LRRC37A2: variants seen among roughly 807,000 people sequenced by gnomAD.
LRRC37A2 encodes leucine-rich repeat-containing protein 37A2.
In LRRC37A2, 9 loss-of-function variants were observed where a neutral mutation model predicts 68.8. That is an observed-to-expected ratio of 0.13 (90% CI 0.08 to 0.23). The LOEUF (loss-of-function observed/expected upper bound fraction) is 0.23, where lower values mean the gene tolerates loss of function less well. Ranked by LOEUF, LRRC37A2 falls within the 10% of genes least tolerant of loss-of-function variation. The pLI is 1.00. For missense variants in LRRC37A2, 168 were observed against 950.4 expected, an observed-to-expected ratio of 0.18 and a Z score of 10.82; for synonymous variants, 63 against 367.6, an observed-to-expected ratio of 0.17 and a Z score of 9.48.
chr17:47,005,446 C>A, the LRRC37A2 span, among the ~76,000 whole-genome samples: 1 of 152,166 alleles, frequency 6.6e-6, no homozygotes, highest in African/African-American at 2.4e-5. Flanking sequence ...AGTGATAGCC[C>A]TCTGCAGTGT....
the LRRC37A2 span, among the ~76,000 whole-genome samples, chr17:46,852,717 T>C: frequency 6.6e-6 from 1 of 152,066 alleles, no homozygotes; most frequent in African/African-American, 2.4e-5. Flanking sequence ...TGCCTCCTTT[T>C]AAAATCTTCA....
the LRRC37A2 span, among the ~76,000 whole-genome samples, chr17:46,836,095 C>CTGTGTGTGTGTGT: frequency 7.9e-6 from 1 of 126,434 alleles, no homozygotes; most frequent in Non-Finnish European, 1.6e-5. Flanking sequence ...GAGACGCTGA[C>CTGTGTGTGTGTGT]GTGTGTGTGT....
At chr17:46,734,966 G>A in the LRRC37A2 span, among the ~76,000 whole-genome samples, 2 of 152,084 alleles carry the variant, frequency 1.3e-5, no homozygotes, top group Admixed American at 1.3e-4. Context: ...CAGGAGGATC[G>A]CTTGAGCCCA....
At chr17:47,006,125 T>C in the LRRC37A2 span, among the ~76,000 whole-genome samples, 1 of 151,972 alleles carries the variant, frequency 6.6e-6, no homozygotes, top group African/African-American at 2.4e-5. Context: ...TGGGCCAAGA[T>C]TGCACCATTG....
chr17:46,901,874 T>G, the LRRC37A2 span, among the ~76,000 whole-genome samples: 4 of 147,666 alleles, frequency 2.7e-5, no homozygotes, highest in Non-Finnish European at 5.9e-5. Flanking sequence ...TGGCGCAATC[T>G]CGGCTCACTG....
At chr17:46,933,793 T>C in the LRRC37A2 span, among the ~76,000 whole-genome samples, 1 of 151,470 alleles carries the variant, frequency 6.6e-6, no homozygotes, top group Non-Finnish European at 1.5e-5. Context: ...TGAGACATTG[T>C]CTCTACAAAA....
the LRRC37A2 span, chr17:47,018,623 G>C: frequency 6.6e-7 from 1 of 1,520,444 alleles, no homozygotes; most frequent in African/African-American, 1.4e-5. Context: ...TTCAACAGGA[G>C]ACTTCATTTC....
At chr17:46,721,596 C>G in the LRRC37A2 span, 1 of 1,565,414 alleles carries the variant, frequency 6.4e-7, no homozygotes, top group Non-Finnish European at 8.7e-7. Flanking sequence ...AATTGAAACT[C>G]TGGGAATTCA....
At chr17:46,804,256 T>G in the LRRC37A2 span, among the ~76,000 whole-genome samples, 1 of 151,796 alleles carries the variant, frequency 6.6e-6, no homozygotes, top group Non-Finnish European at 1.5e-5. Context: ...CCCGGCTAAT[T>G]TTTGTATTTT....
chr17:46,437,606 TGCAAA>T, the LRRC37A2 span, among the ~76,000 whole-genome samples: 1 of 142,246 alleles, frequency 7.0e-6, no homozygotes. Flanking sequence ...CTCAAGTGAC[TGCAAA>T]CTTATAAAGA....
chr17:46,725,701 C>T, the LRRC37A2 span, among the ~76,000 whole-genome samples: 2 of 152,072 alleles, frequency 1.3e-5, no homozygotes, highest in Non-Finnish European at 2.9e-5. Flanking sequence ...GATGTTGGTG[C>T]GGGTGGGGAT....
At chr17:46,873,086 T>TCACACACACACA in the LRRC37A2 span, among the ~76,000 whole-genome samples, 45 of 139,914 alleles carry the variant, frequency 3.2e-4, no homozygotes, top group African/African-American at 1.1e-3. Context: ...CTCTGCCTCT[T>TCACACACACACA]CACACACACA....
chr17:46,734,437 T>TA, the LRRC37A2 span, among the ~76,000 whole-genome samples: 1 of 152,184 alleles, frequency 6.6e-6, no homozygotes, highest in Admixed American at 6.5e-5. Context: ...GCCTTCTTAG[T>TA]AAGTCAGTGA....
chr17:46,803,525 T>C, the LRRC37A2 span, among the ~76,000 whole-genome samples: 1 of 152,058 alleles, frequency 6.6e-6, no homozygotes, highest in African/African-American at 2.4e-5. Flanking sequence ...CAAGACTATG[T>C]CTCAAGAAAG....
At chr17:46,847,715 A>C in the LRRC37A2 span, among the ~76,000 whole-genome samples, 1 of 152,078 alleles carries the variant, frequency 6.6e-6, no homozygotes, top group Non-Finnish European at 1.5e-5. Flanking sequence ...TTGGGTCCAG[A>C]GTTCATTTCC....
the LRRC37A2 span, among the ~76,000 whole-genome samples, chr17:46,850,136 C>T: frequency 6.6e-6 from 1 of 152,226 alleles, no homozygotes; most frequent in Non-Finnish European, 1.5e-5. Context: ...AGGCATGAGC[C>T]AACGTGCCTG....
chr17:46,809,484 A>ACACACACTCAGTC, the LRRC37A2 span, among the ~76,000 whole-genome samples: 2 of 152,190 alleles, frequency 1.3e-5, no homozygotes, highest in Non-Finnish European at 2.9e-5. Flanking sequence ...ACACACACGT[A>ACACACACTCAGTC]CACACACTCA....
chr17:46,896,487 G>A, the LRRC37A2 span, among the ~76,000 whole-genome samples: 216 of 142,968 alleles, frequency 1.5e-3, 1 homozygote, highest in African/African-American at 5.5e-3. Flanking sequence ...ACAGACCAAG[G>A]CCAGGTACTG....
the LRRC37A2 span, among the ~76,000 whole-genome samples, chr17:46,850,111 A>G: frequency 6.6e-6 from 1 of 152,168 alleles, no homozygotes; most frequent in Non-Finnish European, 1.5e-5. Flanking sequence ...CGGCCTCCCA[A>G]AGTGCTGGGA....
Sources: gnomAD v4.1 joint callset for allele counts (sites outside exome capture counted in the v4.1 genomes callset) on GRCh38, gnomAD v4.1.1 for gene constraint, MANE v1.5 for transcripts, NCBI Gene and HGNC (gene_info 2026-07-23, HGNC 2026-07-21) for gene names.